Variants in DGKH observed in about 807,000 individuals in gnomAD.
DGKH encodes the protein diacylglycerol kinase eta.
In DGKH, 90 loss-of-function variants were observed where a neutral mutation model predicts 159.3. That is an observed-to-expected ratio of 0.57 (90% confidence interval 0.48 to 0.67). The LOEUF (loss-of-function observed/expected upper bound fraction) is 0.67, where lower values mean the gene tolerates loss of function less well. Among genes scored for constraint, DGKH ranks in the 30% least tolerant of loss-of-function variants. DGKH has a pLI of 0.00. For synonymous variants in DGKH, 536 were observed against 553.8 expected (o/e 0.97, Z 0.45); for missense variants, 1,181 against 1,506.1 (o/e 0.78, Z 3.57).
intron 1 of DGKH, among the ~76,000 whole-genome samples, chr13:42,065,356 T>C (rs1401699669): frequency 6.6e-6 from 1 of 152,228 alleles, no homozygotes. Context: ...AAATTCAACC[T>C]TCCCTTGGTA....
At chr13:42,054,853 G>C (rs367671868) in intron 1 of DGKH, among the ~76,000 whole-genome samples, 3 of 151,760 alleles carry the variant, frequency 2.0e-5, no homozygotes, top group African/African-American at 7.3e-5. Context: ...CCAGAAATAT[G>C]TACAATTTTT....
chr13:42,089,084 A>G (rs888461628), intron 1 of DGKH, among the ~76,000 whole-genome samples: 3 of 152,220 alleles, frequency 2.0e-5, no homozygotes, highest in Admixed American at 6.6e-5. Flanking sequence ...CTAAATGTGC[A>G]TGCAGCCGAT....
intron 1 of DGKH, among the ~76,000 whole-genome samples, chr13:42,093,088 G>T (rs546756171): frequency 1.3e-5 from 2 of 151,812 alleles, no homozygotes; most frequent in South Asian, 4.2e-4. Context: ...TACTAAAAAT[G>T]CAAAAATTAG....
At chr13:42,161,791 A>AG (rs1429247377) in intron 7 of DGKH, among the ~76,000 whole-genome samples, 3 of 151,850 alleles carry the variant, frequency 2.0e-5, no homozygotes, top group Non-Finnish European at 2.9e-5. Flanking sequence ...CAAAAAAAAA[A>AG]AAAGAAAAGA....
At chr13:42,244,944 A>G (rs1193485124), downstream of DGKH, among the ~76,000 whole-genome samples, 1 of 149,604 alleles carries the variant, frequency 6.7e-6, no homozygotes, top group Non-Finnish European at 1.5e-5. Context: ...AGAACAACAT[A>G]CACAATCTTA....
At chr13:42,248,632 G>A (rs1271208146) in intron 29 of DGKH, among the ~76,000 whole-genome samples, 2 of 146,098 alleles carry the variant, frequency 1.4e-5, no homozygotes, top group African/African-American at 2.5e-5. Flanking sequence ...TATATTATTT[G>A]TAATATATAA....
At chr13:42,191,925 T>C (rs139338375) in intron 16 of DGKH, among the ~76,000 whole-genome samples, 2 of 152,354 alleles carry the variant, frequency 1.3e-5, no homozygotes, top group East Asian at 1.9e-4. Context: ...TCACTACATA[T>C]AAACTTGGGC....
chr13:42,065,885 A>C (rs915475144), intron 1 of DGKH, among the ~76,000 whole-genome samples: 1 of 152,186 alleles, frequency 6.6e-6, no homozygotes, highest in Admixed American at 6.5e-5. Context: ...ATCATATGAT[A>C]TATAAAACAT....
At chr13:42,042,090 G>C (rs996806171) in intron 1 of DGKH, among the ~76,000 whole-genome samples, 3 of 152,212 alleles carry the variant, frequency 2.0e-5, no homozygotes, top group African/African-American at 7.2e-5. Context: ...TGCATCTGCA[G>C]CTGTCTTTGC....
rs1566152517 is a variant in DGKH, at chr13:42,168,714, T to C, written c.1263T>C (p.Asn421=). ...QLGVLPLGTG[N]DLARVLGWGG... ...GAGTGTTGCCTTTGGGTACAGGAAA[T>C]GACCTTGCCCGAGTTCTTGGCTGGG... Residue 421 remains asparagine, a synonymous_variant, in exon 11 of 30, where the codon AAT becomes AAC. Transcript: ENST00000337343. 3 of 1,614,180 alleles carry C rather than the reference T, an allele frequency of 1.9e-6. No homozygotes were observed. The highest frequency in any genetic ancestry group is 8.5e-7 in the Non-Finnish European group (1 of 1,180,018).
rs1882861703 is a variant in DGKH, at chr13:42,070,166, C to T, written c.192+21201C>T. The T allele has an allele frequency of 1.2e-5, 11 of 923,744 alleles. No individual in the cohort carries two copies. The South Asian group carries it at 1.3e-4, about 11-fold the overall frequency. The allele number at this position is 923,744 out of a possible 1,614,324, so 57.2% of individuals were successfully genotyped here. On this transcript the variant is annotated intron_variant, in intron 1 of 29. Coordinates refer to ENST00000337343, the MANE Select transcript of DGKH (RefSeq NM_178009.5). ...CTCATGTAAGGATGGGAGAGCGCTT[C>T]TTCTGCTATTAACCAATCCATGGGG...
chr13:42,137,612 T>C (rs1192936252), intron 3 of DGKH, among the ~76,000 whole-genome samples: 3 of 152,204 alleles, frequency 2.0e-5, no homozygotes, highest in African/African-American at 7.2e-5. Flanking sequence ...TATTACATGT[T>C]CAGTTGTTTT....
chr13:42,129,421 TGCAGAAA>T, intron 2 of DGKH, 124 bp from the exon 3 acceptor site: 2 of 683,430 alleles, frequency 2.9e-6, no homozygotes, highest in East Asian at 5.5e-5. Flanking sequence ...AGGAAGAAAT[TGCAGAAA>T]GTACCACCAA....
intron 1 of DGKH, among the ~76,000 whole-genome samples, chr13:42,076,291 G>A (rs772378488): frequency 3.3e-5 from 5 of 152,142 alleles, no homozygotes; most frequent in Non-Finnish European, 7.4e-5. Context: ...CTTTATTGGC[G>A]TAAAGAATAA....
chr13:42,141,082 G>A (rs1432953793), intron 3 of DGKH, among the ~76,000 whole-genome samples: 3 of 112,990 alleles, frequency 2.7e-5, no homozygotes, highest in Non-Finnish European at 5.3e-5. Context: ...GCCCCAGTGC[G>A]TGATGTTCCC....
chr13:42,195,083 C>T, intron 17 of DGKH, 67 bp downstream of exon 17: 2 of 1,545,742 alleles, frequency 1.3e-6, no homozygotes, highest in East Asian at 2.3e-5. Flanking sequence ...GTATTTATTT[C>T]TATTACTGTG....
chr13:42,098,190 TA>T (rs996039362), intron 1 of DGKH, among the ~76,000 whole-genome samples: 33 of 152,264 alleles, frequency 2.2e-4, no homozygotes, highest in African/African-American at 7.7e-4. Flanking sequence ...ATTAATATTA[TA>T]AATTGAAAAT....
At chr13:42,212,657 G>C (rs77354249) in intron 24 of DGKH, among the ~76,000 whole-genome samples, 40 of 152,310 alleles carry the variant, frequency 2.6e-4, no homozygotes, top group African/African-American at 9.6e-4. Context: ...AGGCTCACTT[G>C]TCTATTTTCA....
At chr13:42,191,655 G>A (rs1343985188) in intron 16 of DGKH, among the ~76,000 whole-genome samples, 2 of 152,006 alleles carry the variant, frequency 1.3e-5, no homozygotes, top group African/African-American at 4.8e-5. Context: ...CACAGGACTA[G>A]TAGTAGTGAG....
Sources: gnomAD v4.1 joint callset for allele counts (sites outside exome capture counted in the v4.1 genomes callset) on GRCh38, gnomAD v4.1.1 for gene constraint, MANE v1.5 for transcripts, NCBI Gene and HGNC (gene_info 2026-07-23, HGNC 2026-07-21) for gene names.